The following RABGEF1 variants were observed in gnomAD, a reference collection of about 807,000 sequenced individuals.
RABGEF1 encodes the protein rab5 GDP/GTP exchange factor.
In RABGEF1, 26 loss-of-function variants were observed where a neutral mutation model predicts 57.3. That is an observed-to-expected ratio of 0.45 (90% CI 0.33 to 0.63). RABGEF1 has a LOEUF of 0.63. RABGEF1 is among the 20% of genes least tolerant of loss of function. The probability of loss-of-function intolerance (pLI) is 0.02; values close to 1 mark genes in which losing one functional copy is unlikely to be tolerated. For synonymous variants in RABGEF1, 185 were observed against 210.7 expected, an observed-to-expected ratio of 0.88 and a Z score of 1.06; for missense variants, 464 against 607.6, an observed-to-expected ratio of 0.76 and a Z score of 2.48.
intron 1 of RABGEF1, among the ~76,000 whole-genome samples, chr7:66,742,511 G>A (rs1174477615): frequency 6.6e-6 from 1 of 152,206 alleles, no homozygotes; most frequent in Non-Finnish European, 1.5e-5. Context: ...CTTTCTGCAT[G>A]TGTCTTGAAG....
At chr7:66,690,261 C>A (rs1021958697) in intron 1 of RABGEF1, among the ~76,000 whole-genome samples, 1 of 151,358 alleles carries the variant, frequency 6.6e-6, no homozygotes, top group Non-Finnish European at 1.5e-5. Context: ...CCACCACACC[C>A]GGCTAATTTT....
chr7:66,761,777 C>T (rs1436400398), intron 1 of RABGEF1, among the ~76,000 whole-genome samples: 3 of 152,064 alleles, frequency 2.0e-5, no homozygotes, highest in Non-Finnish European at 2.9e-5. Flanking sequence ...TGGGGGTGGG[C>T]GTGGTGTCTC....
intron 1 of RABGEF1, among the ~76,000 whole-genome samples, chr7:66,760,853 G>A (rs747512941): frequency 7.2e-5 from 11 of 152,100 alleles, no homozygotes; most frequent in South Asian, 2.1e-4. Flanking sequence ...GGTCTTGAAC[G>A]CTTGACTTTG....
intron 1 of RABGEF1, among the ~76,000 whole-genome samples, chr7:66,765,449 A>G (rs1203071193): frequency 6.6e-6 from 1 of 151,948 alleles, no homozygotes; most frequent in African/African-American, 2.4e-5. Flanking sequence ...TTTGGCATAG[A>G]TAATAGGCTC....
chr7:66,708,268 A>G lies in RABGEF1; in HGVS notation c.-872-3899A>G, dbSNP rs1460468446. Among the ~76,000 whole-genome samples, 6 of 150,010 alleles carry G rather than the reference A, an allele frequency of 4.0e-5. 1 individual carries two copies. Among genetic ancestry groups the G allele is most frequent in the Non-Finnish European group, 1.5e-5 (1 of 67,560 alleles). On this transcript the variant is annotated intron_variant and NMD_transcript_variant, in intron 1 of 9. Transcript: ENST00000607882. The stretch of plus-strand genomic sequence containing the variant: ...TTAACATCTTTGTTTATAGCCATGT[A>G]GTTTGGGTTTTTTTTTTTTCCTAAT...
At chr7:66,760,221 C>T (rs1287235887) in intron 1 of RABGEF1, among the ~76,000 whole-genome samples, 3 of 152,294 alleles carry the variant, frequency 2.0e-5, no homozygotes, top group African/African-American at 7.2e-5. Context: ...GGAAAAAGCA[C>T]TAATTTGTCC....
chr7:66,751,933 A>T (rs1801516711), intron 1 of RABGEF1, among the ~76,000 whole-genome samples: 1 of 152,132 alleles, frequency 6.6e-6, no homozygotes, highest in Non-Finnish European at 1.5e-5. Context: ...ACATTGGCTC[A>T]CACCTGTAAT....
chr7:66,735,420 C>T (rs938534596), intron 2 of RABGEF1, among the ~76,000 whole-genome samples: 1 of 152,168 alleles, frequency 6.6e-6, no homozygotes, highest in African/African-American at 2.4e-5. Flanking sequence ...CCACATAAGA[C>T]CTTTGCCTCT....
chr7:66,797,321 AGAGAG>A (rs1786220874), intron 5 of RABGEF1, 48 bp from the exon 6 acceptor site: 4 of 1,094,114 alleles, frequency 3.7e-6, no homozygotes, highest in Non-Finnish European at 2.4e-6. Flanking sequence ...AAAAAAAAAA[AGAGAG>A]AGAAAAAATA....
intron 1 of RABGEF1, among the ~76,000 whole-genome samples, chr7:66,749,965 C>G (rs1279405354): frequency 6.6e-6 from 1 of 152,174 alleles, no homozygotes; most frequent in East Asian, 1.9e-4. Context: ...CAGAGCGAGA[C>G]TCCATCTCAA....
chr7:66,713,571 C>T (rs1207606427), intron 2 of RABGEF1, among the ~76,000 whole-genome samples: 3 of 152,176 alleles, frequency 2.0e-5, no homozygotes, highest in Non-Finnish European at 4.4e-5. Flanking sequence ...TGAACAGGAG[C>T]GATGAGAATG....
the RABGEF1 span, among the ~76,000 whole-genome samples, chr7:66,658,108 T>A: frequency 6.6e-6 from 1 of 152,148 alleles, no homozygotes; most frequent in Non-Finnish European, 1.5e-5. Context: ...TTACTGTGAC[T>A]TTACAACAAT....
chr7:66,726,661 C>G (rs1357095602), intron 2 of RABGEF1, among the ~76,000 whole-genome samples: 2 of 152,008 alleles, frequency 1.3e-5, no homozygotes, highest in Non-Finnish European at 2.9e-5. Flanking sequence ...GCCACTGCAC[C>G]CAGCCCAAAA....
chr7:66,664,630 G>T, the RABGEF1 span, among the ~76,000 whole-genome samples: 1 of 152,008 alleles, frequency 6.6e-6, no homozygotes, highest in African/African-American at 2.4e-5. Flanking sequence ...ATAGAGAGTG[G>T]CTCCCTACAG....
At chr7:66,708,034 TAG>T (rs1167770197) in intron 1 of RABGEF1, among the ~76,000 whole-genome samples, 5 of 152,196 alleles carry the variant, frequency 3.3e-5, no homozygotes, top group African/African-American at 1.2e-4. Flanking sequence ...GCCTTTTAGT[TAG>T]AGACTTTAAC....
At chr7:66,753,061 G>T (rs1344652612) in intron 1 of RABGEF1, among the ~76,000 whole-genome samples, 1 of 152,302 alleles carries the variant, frequency 6.6e-6, no homozygotes, top group African/African-American at 2.4e-5. Context: ...TATTATAATG[G>T]CTGTATTTAT....
chr7:66,797,000 C>T (rs1367196076), intron 5 of RABGEF1: 1 of 393,606 alleles, frequency 2.5e-6, no homozygotes, highest in Admixed American at 3.2e-5. Flanking sequence ...GTAGACAGTG[C>T]TATGAAAATA....
the RABGEF1 span, among the ~76,000 whole-genome samples, chr7:66,666,479 G>T: frequency 6.6e-6 from 1 of 152,182 alleles, no homozygotes; most frequent in African/African-American, 2.4e-5. Context: ...GAGCCAGGCG[G>T]GCCCTAGGGT....
intron 1 of RABGEF1, among the ~76,000 whole-genome samples, chr7:66,696,087 A>G (rs915727049): frequency 6.6e-6 from 1 of 151,394 alleles, no homozygotes; most frequent in African/African-American, 2.4e-5. Flanking sequence ...TTTTTTCTTG[A>G]GTCAGGGTCT....
Sources: gnomAD v4.1 joint callset for allele counts (sites outside exome capture counted in the v4.1 genomes callset) on GRCh38, gnomAD v4.1.1 for gene constraint, MANE v1.5 for transcripts, NCBI Gene and HGNC (gene_info 2026-07-23, HGNC 2026-07-21) for gene names.